Variants in COL9A2 observed in about 807,000 individuals in gnomAD.
COL9A2 encodes collagen type IX alpha 2 chain, also known as collagen alpha-2(IX) chain.
Under a neutral mutation model 111.6 loss-of-function variants are expected in COL9A2, and 66 were observed. The ratio of observed to expected loss-of-function variants is 0.59; its 90% CI spans 0.48 to 0.73. The LOEUF is 0.73. Among genes scored for constraint, COL9A2 ranks in the 30% least tolerant of loss-of-function variants. The pLI, the probability that COL9A2 is intolerant of heterozygous loss-of-function variation, is 0.00. For synonymous variants in COL9A2, 353 were observed against 364.1 expected (o/e 0.97, Z 0.35); for missense variants, 881 against 954.1 (o/e 0.92, Z 1.01).
At chr1:40,309,800 CTACACACTCACACACACTACACA>C (rs902072434) in intron 16 of COL9A2, 115 bp downstream of exon 16, 22 of 849,232 alleles carry the variant, frequency 2.6e-5, no homozygotes, top group Middle Eastern at 6.7e-4. Flanking sequence ...CACACACACA[CTACACACTCACACACACTACACA>C]TTCACACTCA....
Position 40,302,597 on chromosome 1 carries a change from T to C in COL9A2, c.1792+24A>G. ...ACAAATCCTCACTGCCTGGCCCCCATGCCCACCGCAGAGGAGCACTCACCC... is the reference window on the plus strand; with the variant it reads ...ACAAATCCTCACTGCCTGGCCCCCACGCCCACCGCAGAGGAGCACTCACCC... On this transcript the variant is annotated intron_variant, in intron 30 of 31. Transcript: ENST00000372748. The surrounding 1 kb of genome is among the most constrained non-coding windows in gnomAD (Gnocchi z 4.5). 1 of 1,584,578 alleles carries C rather than the reference T, an allele frequency of 6.3e-7. No individual in the cohort carries two copies. Among genetic ancestry groups the C allele is most frequent in the East Asian group, 2.3e-5 (1 of 42,906 alleles).
In COL9A2 at chr1:40,301,842, G is replaced by A. The variant is rs1310975623; in HGVS notation, c.1840C>T (p.Pro614Ser). ...ATCCCTGGGGGCCCAGGCATCCCGG[G>A]GTGCCCCCGTCCCACTTCTCCTGGA... ...GDPGEVGRGHPGMPGPPGIPG... is the reference protein window; with the variant it reads ...GDPGEVGRGHSGMPGPPGIPG... Residue 614 changes from proline (P) to serine (S), a missense_variant, in exon 31 of 32, where the codon CCC becomes TCC. Pro to Ser is a moderately conservative substitution (Grantham distance 74). Coordinates refer to ENST00000372748, the MANE Select transcript of COL9A2 (RefSeq NM_001852.4). 1 of 1,613,998 alleles carries A rather than the reference G, an allele frequency of 6.2e-7. No individual in the cohort carries two copies. Among genetic ancestry groups the A allele is most frequent in the Non-Finnish European group, 8.5e-7 (1 of 1,179,994 alleles).
Position 40,307,199 on chromosome 1 carries a change from G to C in COL9A2, c.1008+247C>G, listed in dbSNP as rs1644043334. 6.6e-6 allele frequency among the ~76,000 whole-genome samples: 1 copy of C among 152,192 alleles called. No homozygotes were observed. The highest frequency in any genetic ancestry group is 2.1e-4 in the South Asian group (1 of 4,838). On this transcript the variant is annotated intron_variant, in intron 19 of 31. Transcript: ENST00000372748. This position sits in a 1 kb window ranked among gnomAD's most constrained non-coding sequence, Gnocchi z 4.8. ...GAATGACTTTTTCCTGGAGGCGGTG[G>C]GGAGCCATGGAAGGTGCTATAGTGC...
chr1:40,311,418 AC>A lies in COL9A2; in HGVS notation c.519+81del. 6.5e-7 allele frequency: 1 copy of A among 1,542,044 alleles called. No homozygotes were observed. On this transcript the variant is annotated intron_variant, in intron 10 of 31. Transcript: ENST00000372748. The surrounding 1 kb of genome is among the most constrained non-coding windows in gnomAD (Gnocchi z 5.1). ...GCAGCCCCTCCCCATCTCTCCAGAC[AC>A]CCCCATCTCCGTGGCCCCGCCTCCC...
Position 40,302,995 on chromosome 1 carries a change from C to A in COL9A2, c.1603+136G>T. On this transcript the variant is annotated intron_variant, in intron 29 of 31. Coordinates refer to ENST00000372748, the MANE Select transcript of COL9A2 (RefSeq NM_001852.4). This position sits in a 1 kb window ranked among gnomAD's most constrained non-coding sequence, Gnocchi z 4.5. ...GAGTGACTTATTCAAGGTCCCAAAA[C>A]CCTTCAGAGACTGGACTGGAAGGAG... The A allele has an allele frequency of 1.8e-6, 2 of 1,112,328 alleles. No individual in the cohort carries two copies. Among genetic ancestry groups the A allele is most frequent in the Non-Finnish European group, 2.6e-6 (2 of 756,756 alleles). The allele number at this position is 1,112,328 out of a possible 1,614,324, so 68.9% of individuals were successfully genotyped here. A position where few individuals can be genotyped will look rare whatever the true frequency, so the allele number is the denominator to read the frequency against.
Position 40,314,188 on chromosome 1 carries a change from G to A in COL9A2, c.249+17C>T, listed in dbSNP as rs761232279. The A allele has an allele frequency of 3.6e-5, 58 of 1,613,810 alleles. No homozygotes were observed. The highest frequency in any genetic ancestry group is 1.7e-4 in the Middle Eastern group (1 of 6,038). On this transcript the variant is annotated intron_variant, in intron 4 of 31. Coordinates refer to ENST00000372748, the MANE Select transcript of COL9A2 (RefSeq NM_001852.4). This position sits in a 1 kb window ranked among gnomAD's most constrained non-coding sequence, Gnocchi z 4.1. ...GGCAGAGCCCTACCCTGCCCCACCCGACACTCAGCTACTCACATCAATCCC... is the reference window on the plus strand; with the variant it reads ...GGCAGAGCCCTACCCTGCCCCACCCAACACTCAGCTACTCACATCAATCCC...
In COL9A2 at chr1:40,302,695, T is replaced by C. The variant is rs762124802; in HGVS notation, c.1718A>G (p.His573Arg). ...AACGCCCCGAGGGCCAGGGTGCCCA[T>C]GGGGGCCCTGCTTGCCTGGGTACCC... is the stretch of plus-strand genomic sequence containing the variant. ...PPGYPGKQGP[H>R]GHPGPRGVPG... Residue 573 changes from histidine to arginine, a missense_variant, in exon 30 of 32, where the codon CAT (histidine) becomes CGT (arginine). By Grantham distance (29) the His-to-Arg change is conservative. Coordinates refer to ENST00000372748, the MANE Select transcript of COL9A2 (RefSeq NM_001852.4). The surrounding 1 kb of genome is among the most constrained non-coding windows in gnomAD (Gnocchi z 4.5). 1.3e-6 allele frequency: 2 copies of C among 1,591,644 alleles called. No homozygotes were observed. Among genetic ancestry groups the C allele is most frequent in the South Asian group, 2.3e-5 (2 of 87,616 alleles).
Position 40,312,436 on chromosome 1 carries a change from C to T in COL9A2, c.363+20G>A, listed in dbSNP as rs140071740. On this transcript the variant is annotated intron_variant, in intron 7 of 31. Transcript: ENST00000372748. The surrounding 1 kb of genome is among the most constrained non-coding windows in gnomAD (Gnocchi z 6.0). ...TTCCCTGGGAGTTCTGGGGATCCTG[C>T]CCCATCCCTGAGGACTTACAGGAGG... The T allele has an allele frequency of 6.9e-3, 11,201 of 1,612,578 alleles. 56 individuals are homozygous for T. Among genetic ancestry groups the T allele is most frequent in the South Asian group, 0.017 (1,535 of 90,756 alleles).
Position 40,315,638 on chromosome 1 carries a change from G to A in COL9A2, c.102C>T (p.Pro34=). Reference sequence around the variant, plus strand: ...CTCCCGGCGGTCCCGGGGGACCCGGGGGGCCCCGCTCTCCCGGTGGACCTC... The same window carrying A: ...CTCCCGGCGGTCCCGGGGGACCCGGAGGGCCCCGCTCTCCCGGTGGACCTC... The part of the protein sequence containing the change: ...QIRGPPGERG[P]PGPPGPPGVP... The change falls in exon 2 of 32, where the codon CCC becomes CCT. Residue 34 remains proline (P), a synonymous_variant. Coordinates refer to ENST00000372748, the MANE Select transcript of COL9A2 (RefSeq NM_001852.4). 3 of 1,554,222 alleles carry A rather than the reference G, an allele frequency of 1.9e-6. No individual in the cohort carries two copies. Among genetic ancestry groups the A allele is most frequent in the South Asian group, 1.2e-5 (1 of 84,348 alleles).
chr1:40,303,450 C>T lies in COL9A2; in HGVS notation c.1548+80G>A. The T allele has an allele frequency of 1.9e-6, 3 of 1,577,170 alleles. No individual in the cohort carries two copies. Among genetic ancestry groups the T allele is most frequent in the Non-Finnish European group, 1.7e-6 (2 of 1,156,968 alleles). On this transcript the variant is annotated intron_variant, in intron 28 of 31. Coordinates refer to ENST00000372748, the MANE Select transcript of COL9A2 (RefSeq NM_001852.4). This position sits in a 1 kb window ranked among gnomAD's most constrained non-coding sequence, Gnocchi z 4.6. Reference sequence around the variant, plus strand: ...GGGAAGTCGGTGAGTCTCTGGGAATCCCTAGCCTTTGGCGGGTAAGCCGCA... The same window carrying T: ...GGGAAGTCGGTGAGTCTCTGGGAATTCCTAGCCTTTGGCGGGTAAGCCGCA...
chr1:40,304,973 C>A, intron 21 of COL9A2, 126 bp from the exon 22 acceptor site: 1 of 722,646 alleles, frequency 1.4e-6, no homozygotes, highest in Non-Finnish European at 2.3e-6. Context: ...TCCCAGACCA[C>A]CTGTTCCATG....
chr1:40,314,000 C>A (rs1644174756), intron 4 of COL9A2, among the ~76,000 whole-genome samples: 1 of 152,158 alleles, frequency 6.6e-6, no homozygotes, highest in African/African-American at 2.4e-5. Context: ...TCTCTCTGGA[C>A]CCCGGTTGCC....
chr1:40,303,972 C>G lies in COL9A2; in HGVS notation c.1324G>C (p.Gly442Arg). The G allele has an allele frequency of 1.3e-6, 2 of 1,566,444 alleles. No homozygotes were observed. The highest frequency in any genetic ancestry group is 2.3e-5 in the East Asian group (1 of 42,590). ...GGGAGGCCGGCCACCCCTGGGTCAC[C>G]CTGCAGAGAGAACCACGGGTCAGAC... is the stretch of plus-strand genomic sequence containing the variant. ...PGKTGPRGKV[G>R]DPGVAGLPGE... The change falls in exon 26 of 32, where the codon GGT (glycine) becomes CGT (arginine). Residue 442 changes from glycine to arginine, a missense_variant and splice_region_variant. By Grantham distance (125) the Gly-to-Arg change is moderately radical. Coordinates refer to ENST00000372748, the MANE Select transcript of COL9A2 (RefSeq NM_001852.4). This position sits in a 1 kb window ranked among gnomAD's most constrained non-coding sequence, Gnocchi z 4.6.
At chr1:40,315,448 G>T in intron 2 of COL9A2, 142 bp downstream of exon 2, 1 of 1,452,010 alleles carries the variant, frequency 6.9e-7, no homozygotes, top group Non-Finnish European at 9.1e-7. Flanking sequence ...GCGTCCTTGT[G>T]GTGCGGGCCG....
In COL9A2 at chr1:40,307,308, C is replaced by T; in HGVS notation, c.1008+138G>A. On this transcript the variant is annotated intron_variant, in intron 19 of 31. Transcript: ENST00000372748. The surrounding 1 kb of genome is among the most constrained non-coding windows in gnomAD (Gnocchi z 4.8). ...TAGAGTAATTGTCCAAGTAATGAAG[C>T]CTTCGCCAGGCCAGGGGCCACAGAG... The T allele has an allele frequency of 2.4e-6, 2 of 822,614 alleles. No homozygotes were observed. The highest frequency in any genetic ancestry group is 4.1e-6 in the Non-Finnish European group (2 of 492,960). The allele number at this position is 822,614 out of a possible 1,614,324, so 51.0% of individuals were successfully genotyped here. A position where few individuals can be genotyped will look rare whatever the true frequency, so the allele number is the denominator to read the frequency against.
At position 40,311,491 on chromosome 1, in the gene COL9A2, GTC is replaced by G. The variant is rs1644126146; in HGVS notation, c.519+7_519+8del. 7 of 1,446,454 alleles carry G rather than the reference GTC, an allele frequency of 4.8e-6. No homozygotes were observed. Among genetic ancestry groups the G allele is most frequent in the African/African-American group, 1.5e-5 (1 of 64,880 alleles). 89.6% of individuals were successfully genotyped at this position (1,446,454 alleles called of 1,614,324 possible). On this transcript the variant is annotated splice_region_variant and intron_variant, in intron 10 of 31. Coordinates refer to ENST00000372748, the MANE Select transcript of COL9A2 (RefSeq NM_001852.4). This position sits in a 1 kb window ranked among gnomAD's most constrained non-coding sequence, Gnocchi z 5.1. Reference sequence around the variant, plus strand: ...CTGTGTTAGCCCCGCCCCAGACCTCGTCTCTCACCAGGAAATCCGCACTGCCT... The same window carrying G: ...CTGTGTTAGCCCCGCCCCAGACCTCGTCTCACCAGGAAATCCGCACTGCCT...
At position 40,301,145 on chromosome 1, in the gene COL9A2, G is replaced by C. The variant is rs774289715; in HGVS notation, c.*37C>G. The C allele has an allele frequency of 1.9e-6, 3 of 1,608,662 alleles. No individual in the cohort carries two copies. In the South Asian group the frequency reaches 3.3e-5, roughly 18 times the overall value. ...ACCCAGAGGGGACCTGGTCCTTCCCGCCAGGATGCCTGCCAGGCTCTGTCT... is the reference window on the plus strand; with the variant it reads ...ACCCAGAGGGGACCTGGTCCTTCCCCCCAGGATGCCTGCCAGGCTCTGTCT... On this transcript the variant is annotated 3_prime_UTR_variant, in exon 32 of 32. Transcript: ENST00000372748.
chr1:40,312,414 C>T lies in COL9A2; in HGVS notation c.363+42G>A. On this transcript the variant is annotated intron_variant, in intron 7 of 31. Transcript: ENST00000372748. This position sits in a 1 kb window ranked among gnomAD's most constrained non-coding sequence, Gnocchi z 6.0. ...AAGCCTTTCTGTTGTCCCCTCCTTC[C>T]CTGGGAGTTCTGGGGATCCTGCCCC... 6.2e-7 allele frequency: 1 copy of T among 1,609,054 alleles called. No homozygotes were observed. Among genetic ancestry groups the T allele is most frequent in the Non-Finnish European group, 8.5e-7 (1 of 1,177,308 alleles).
chr1:40,309,059 T>C (rs1383897210), intron 16 of COL9A2, among the ~76,000 whole-genome samples: 2 of 152,126 alleles, frequency 1.3e-5, no homozygotes, highest in Non-Finnish European at 2.9e-5. Context: ...CAGCCTAACA[T>C]GGTGAAACCC....
Sources: gnomAD v4.1 joint callset for allele counts (sites outside exome capture counted in the v4.1 genomes callset) on GRCh38, gnomAD v4.1.1 for gene constraint, Gnocchi (gnomAD v3.1) non-coding constraint, MANE v1.5 for transcripts, NCBI Gene and HGNC (gene_info 2026-07-23, HGNC 2026-07-21) for gene names.